Variants in ADPGK observed in about 807,000 individuals in gnomAD.
The protein encoded by ADPGK is ADP-dependent glucokinase.
In ADPGK, 26 loss-of-function variants were observed where a neutral mutation model predicts 42.4. The ratio of observed to expected loss-of-function variants is 0.61; its 90% CI spans 0.45 to 0.85. ADPGK has a LOEUF of 0.85. ADPGK is among the 40% of genes least tolerant of loss of function. ADPGK has a pLI of 0.00. For synonymous variants in ADPGK, 267 were observed against 252.6 expected (o/e 1.06, Z -0.54); for missense variants, 571 against 627.0 (o/e 0.91, Z 0.95).
At chr15:72,782,044 C>T (rs1280695784) in intron 1 of ADPGK, among the ~76,000 whole-genome samples, 2 of 152,190 alleles carry the variant, frequency 1.3e-5, no homozygotes, top group African/African-American at 4.8e-5. Context: ...TCCAGATCCA[C>T]GAGAAAACAG....
rs2151090531 is a variant in ADPGK, at chr15:72,775,099, TAGA to T, written c.234-5_234-3del. Reference sequence around the variant, plus strand: ...ACCACATCAACACATGCATTGACTCTAGAAGGAGGAAAAAAACTGTGTGAAAGC... The same window carrying T: ...ACCACATCAACACATGCATTGACTCTAGGAGGAAAAAAACTGTGTGAAAGC... On this transcript the variant is annotated splice_polypyrimidine_tract_variant and splice_region_variant and intron_variant, in intron 1 of 6. Transcript: ENST00000456471. The T allele has an allele frequency of 6.2e-7, 1 of 1,613,002 alleles. No individual in the cohort carries two copies. The highest frequency in any genetic ancestry group is 1.3e-5 in the African/African-American group (1 of 74,954).
intron 1 of ADPGK, among the ~76,000 whole-genome samples, chr15:72,780,342 T>A (rs2066442200): frequency 6.6e-6 from 1 of 152,108 alleles, no homozygotes; most frequent in Admixed American, 6.5e-5. Context: ...CCAAAGGATC[T>A]CATGAGAACG....
Position 72,771,681 on chromosome 15 carries a change from G to A in ADPGK, c.522+102C>T, listed in dbSNP as rs1023075549. ...AGACCCAGGGTCTGGTACATAGTAG[G>A]TGATCCATAAGTTGAATCAAGGAAT... On this transcript the variant is annotated intron_variant, in intron 3 of 6. Transcript: ENST00000456471. 10 of 1,055,748 alleles carry A rather than the reference G, an allele frequency of 9.5e-6. No homozygotes were observed. In the African/African-American group the frequency reaches 1.6e-4, roughly 17 times the overall value. 65.4% of individuals were successfully genotyped at this position (1,055,748 alleles called of 1,614,324 possible). A position where few individuals can be genotyped will look rare whatever the true frequency, so the allele number is the denominator to read the frequency against.
In ADPGK at chr15:72,752,738, T is replaced by C. The variant is rs142656601; in HGVS notation, c.1097A>G (p.His366Arg). 2.5e-6 allele frequency: 4 copies of C among 1,614,180 alleles called. No homozygotes were observed. In the African/African-American group the frequency reaches 4.0e-5, roughly 16 times the overall value. The change falls in exon 7 of 7, where the codon CAT becomes CGT. Residue 366 changes from histidine (H) to arginine (R), a missense_variant. Transcript: ENST00000456471. ...SDILFWILKE[H>R]GRSKSRASDL... is the part of the protein sequence containing the mutation. Reference sequence around the variant, plus strand: ...CGAGGCTCTGCTTTTACTCCTCCCATGTTCTTTCAAGATCCAGAAGAGGAT... The same window carrying C: ...CGAGGCTCTGCTTTTACTCCTCCCACGTTCTTTCAAGATCCAGAAGAGGAT...
intron 5 of ADPGK, 176 bp downstream of exon 5, chr15:72,756,075 T>G: frequency 1.3e-6 from 1 of 755,188 alleles, no homozygotes; most frequent in East Asian, 2.7e-5. Context: ...GCTGCCCACA[T>G]CTGAAGGGAT....
chr15:72,772,574 G>T (rs1366357208), intron 2 of ADPGK, among the ~76,000 whole-genome samples: 1 of 152,056 alleles, frequency 6.6e-6, no homozygotes, highest in Admixed American at 6.6e-5. Flanking sequence ...CCTATAACCT[G>T]AACAAACCTC....
In ADPGK at chr15:72,777,791, A is replaced by G. The variant is rs547979444; in HGVS notation, c.234-2694T>C. Among the ~76,000 whole-genome samples, 12 of 152,308 alleles carry G rather than the reference A, an allele frequency of 7.9e-5. No homozygotes were observed. In the South Asian group the frequency reaches 1.5e-3, roughly 18 times the overall value. ...ATGAGAATGGGGAAAGCTGTTCAGT[A>G]TATTTTGTAACACAAGGCAAAACCC... On this transcript the variant is annotated intron_variant, in intron 1 of 6. Transcript: ENST00000456471.
At chr15:72,757,884 A>G in intron 4 of ADPGK, 1 of 554,310 alleles carries the variant, frequency 1.8e-6, no homozygotes, top group Non-Finnish European at 3.2e-6. Flanking sequence ...AAATACACTG[A>G]TTTCTTCAGG....
intron 2 of ADPGK, among the ~76,000 whole-genome samples, chr15:72,774,485 T>C (rs918754351): frequency 1.3e-5 from 2 of 152,130 alleles, no homozygotes; most frequent in Admixed American, 1.3e-4. Context: ...TTGTATATAA[T>C]CACCAGGTGA....
At chr15:72,758,260 C>A in intron 4 of ADPGK, 1 of 798,534 alleles carries the variant, frequency 1.3e-6, no homozygotes, top group South Asian at 1.4e-5. Flanking sequence ...TAGTTAGCGC[C>A]CCTCTTTCCT....
intron 3 of ADPGK, among the ~76,000 whole-genome samples, chr15:72,766,005 T>C (rs186963131): frequency 2.2e-3 from 332 of 152,322 alleles, no homozygotes; most frequent in African/African-American, 7.7e-3. Flanking sequence ...TTTTTAGAGA[T>C]AGGAATTTGC....
At chr15:72,769,908 T>G (rs2066308662) in intron 3 of ADPGK, among the ~76,000 whole-genome samples, 1 of 152,204 alleles carries the variant, frequency 6.6e-6, no homozygotes, top group Admixed American at 6.5e-5. Context: ...CCTATGAAGA[T>G]TTAAATTGGT....
In ADPGK at chr15:72,783,533, G is replaced by C; in HGVS notation, c.159C>G (p.Pro53=). The change falls in exon 1 of 7, where the codon CCC becomes CCG. Residue 53 remains proline (P), a synonymous_variant. Transcript: ENST00000456471. ...CCCAGGCTGCCGCCAACCGGCCCTC[G>C]GGGGAGACGGGTCCCGGGGGCGCAG... ...PAPAPPGPVS[P]EGRLAAAWDA... is the part of the protein sequence containing the mutation. 1 of 1,486,112 alleles carries C rather than the reference G, an allele frequency of 6.7e-7. No homozygotes were observed. Among genetic ancestry groups the C allele is most frequent in the Non-Finnish European group, 8.9e-7 (1 of 1,125,224 alleles). The allele number at this position is 1,486,112 out of a possible 1,614,324, so 92.1% of individuals were successfully genotyped here.
intron 6 of ADPGK, among the ~76,000 whole-genome samples, chr15:72,754,376 T>C (rs2066086889): frequency 6.6e-6 from 1 of 152,218 alleles, no homozygotes; most frequent in Non-Finnish European, 1.5e-5. Context: ...CAGACTGATA[T>C]AAATGCAAAT....
At chr15:72,760,740 C>T (rs2066182242) in intron 3 of ADPGK, among the ~76,000 whole-genome samples, 1 of 152,074 alleles carries the variant, frequency 6.6e-6, no homozygotes, top group African/African-American at 2.4e-5. Flanking sequence ...CCATAATGTA[C>T]CCAGAACTGA....
intron 1 of ADPGK, chr15:72,782,737 C>CT (rs1221636520): frequency 6.6e-6 from 1 of 152,064 alleles, no homozygotes; most frequent in East Asian, 1.9e-4. Context: ...ATACATAACT[C>CT]TGAGATTACG....
chr15:72,759,228 G>A (rs974332882), intron 4 of ADPGK, among the ~76,000 whole-genome samples: 7 of 152,198 alleles, frequency 4.6e-5, no homozygotes, highest in Admixed American at 2.0e-4. Flanking sequence ...GAGCCACCAC[G>A]TGCGGCCAGG....
Position 72,783,559 on chromosome 15 carries a change from G to T in ADPGK, c.133C>A (p.Pro45Thr). 6.7e-7 allele frequency: 1 copy of T among 1,499,660 alleles called. No homozygotes were observed. The highest frequency in any genetic ancestry group is 8.8e-7 in the Non-Finnish European group (1 of 1,131,970). 92.9% of individuals were successfully genotyped at this position (1,499,660 alleles called of 1,614,324 possible). Reference protein sequence around the residue: ...LWSSLCLGPAPAPPGPVSPEG... With the variant: ...LWSSLCLGPATAPPGPVSPEG... ...GGGGAGACGGGTCCCGGGGGCGCAGGCGCGGGCCCCAGACACAGCGAGCTC... is the reference window on the plus strand; with the variant it reads ...GGGGAGACGGGTCCCGGGGGCGCAGTCGCGGGCCCCAGACACAGCGAGCTC... The change falls in exon 1 of 7, where the codon CCT (proline) becomes ACT (threonine). Residue 45 changes from proline (P) to threonine (T), a missense_variant. Physicochemically the swap from Pro to Thr is conservative, Grantham distance 38. This residue lies in a region of ADPGK where 137 missense variants were observed against 104.2 expected (regional missense o/e 1.31). Transcript: ENST00000456471.
intron 5 of ADPGK, 139 bp from the exon 6 acceptor site, chr15:72,755,793 G>T: frequency 1.5e-6 from 1 of 675,638 alleles, no homozygotes; most frequent in Non-Finnish European, 2.6e-6. Context: ...CAAGCAATGT[G>T]GGTCCCCACC....
Sources: gnomAD v4.1 joint callset for allele counts (sites outside exome capture counted in the v4.1 genomes callset) on GRCh38, gnomAD v4.1.1 for gene constraint, gnomAD v4.1.1 regional missense constraint, MANE v1.5 for transcripts, NCBI Gene and HGNC (gene_info 2026-07-23, HGNC 2026-07-21) for gene names.